Variants in ADAM2 observed in about 807,000 individuals in gnomAD.
ADAM2 encodes ADAM metallopeptidase domain 2.
Under a neutral mutation model 99.3 loss-of-function variants are expected in ADAM2, and 101 were observed. That is an observed-to-expected ratio of 1.02 (90% CI 0.87 to 1.20). The LOEUF is 1.20. ADAM2 is among the 50% of genes most tolerant of loss of function. The probability of loss-of-function intolerance (pLI) is 0.00; values close to 1 mark genes in which losing one functional copy is unlikely to be tolerated. For synonymous variants in ADAM2, 323 were observed against 287.6 expected, an observed-to-expected ratio of 1.12 and a Z score of -1.25; for missense variants, 948 against 878.7, an observed-to-expected ratio of 1.08 and a Z score of -1.00.
At chr8:39,806,850 C>A (rs1804461996) in intron 7 of ADAM2, among the ~76,000 whole-genome samples, 1 of 152,142 alleles carries the variant, frequency 6.6e-6, no homozygotes, top group Admixed American at 6.5e-5. Context: ...TGAGTGAAAA[C>A]ACTGCCTGTT....
chr8:39,764,900 AGC>A (rs988483761), intron 14 of ADAM2, among the ~76,000 whole-genome samples: 1 of 151,986 alleles, frequency 6.6e-6, no homozygotes, highest in African/African-American at 2.4e-5. Context: ...ATCTAATCAC[AGC>A]TACTCAGGAG....
At position 39,801,688 on chromosome 8, in the gene ADAM2, C is replaced by T. The variant is rs534757226; in HGVS notation, c.570+7722G>A. Among the ~76,000 whole-genome samples, 13 of 151,888 alleles carry T rather than the reference C, an allele frequency of 8.6e-5. 1 individual carries two copies. The highest frequency in any genetic ancestry group is 3.1e-4 in the African/African-American group (13 of 41,424). On this transcript the variant is annotated intron_variant, in intron 7 of 20. Coordinates refer to ENST00000265708, the MANE Select transcript of ADAM2 (RefSeq NM_001464.5). ...CTGGGGGCTCAGGCTCAGGGACATC[C>T]GGGTTCTGTCCCTGAGCCTCTGGCT...
At chr8:39,765,937 T>G (rs1802550311) in intron 14 of ADAM2, among the ~76,000 whole-genome samples, 1 of 152,188 alleles carries the variant, frequency 6.6e-6, no homozygotes, top group Non-Finnish European at 1.5e-5. Flanking sequence ...CTGTCAATTG[T>G]TCCTGATTTT....
rs1343174413 is a variant in ADAM2, at chr8:39,755,903, T to C, written c.1622A>G (p.Gln541Arg). 1.3e-6 allele frequency: 2 copies of C among 1,484,318 alleles called. No individual in the cohort carries two copies. The highest frequency in any genetic ancestry group is 2.3e-5 in the East Asian group (1 of 43,720). The allele number at this position is 1,484,318 out of a possible 1,614,324, so 91.9% of individuals were successfully genotyped here. A position where few individuals can be genotyped will look rare whatever the true frequency, so the allele number is the denominator to read the frequency against. ...GYTQCEADNL[Q>R]CGKLICKYVG... Reference sequence around the variant, plus strand: ...ATATTTACATATTAATTTTCCGCACTGCAGATTGCTATAATTTATCCACAA... The same window carrying C: ...ATATTTACATATTAATTTTCCGCACCGCAGATTGCTATAATTTATCCACAA... Residue 541 changes from glutamine (Q) to arginine (R), a missense_variant, in exon 16 of 21, where the codon CAG becomes CGG. Coordinates refer to ENST00000265708, the MANE Select transcript of ADAM2 (RefSeq NM_001464.5).
In ADAM2 at chr8:39,755,918, T is replaced by G. The variant is rs763691456; in HGVS notation, c.1614-7A>C. On this transcript the variant is annotated splice_region_variant and splice_polypyrimidine_tract_variant and intron_variant, in intron 15 of 20. Transcript: ENST00000265708. ...TTTTCCGCACTGCAGATTGCTATAA[T>G]TTATCCACAAATAAAAATTATTAAT... The G allele has an allele frequency of 2.9e-5, 40 of 1,359,792 alleles. No individual in the cohort carries two copies. Among genetic ancestry groups the G allele is most frequent in the Non-Finnish European group, 3.6e-5 (35 of 982,532 alleles). 84.2% of individuals were successfully genotyped at this position (1,359,792 alleles called of 1,614,324 possible).
chr8:39,834,101 C>A, intron 2 of ADAM2, 102 bp from the exon 3 acceptor site: 2 of 613,160 alleles, frequency 3.3e-6, no homozygotes, highest in Non-Finnish European at 5.7e-6. Flanking sequence ...AAAACACATT[C>A]ATTTAATAAA....
At chr8:39,749,627 T>C in intron 17 of ADAM2, 40 bp downstream of exon 17, 1 of 1,551,876 alleles carries the variant, frequency 6.4e-7, no homozygotes, top group Non-Finnish European at 8.8e-7. Context: ...AAAATTAGGC[T>C]CAATGATTTC....
chr8:39,757,790 CAT>C (rs2129583474), intron 15 of ADAM2, among the ~76,000 whole-genome samples: 1 of 152,170 alleles, frequency 6.6e-6, no homozygotes, highest in East Asian at 1.9e-4. Flanking sequence ...ATGTATTAGT[CAT>C]ATTATATGAT....
At chr8:39,770,603 C>T (rs1288593612) in intron 11 of ADAM2, among the ~76,000 whole-genome samples, 2 of 152,104 alleles carry the variant, frequency 1.3e-5, no homozygotes, top group Non-Finnish European at 2.9e-5. Flanking sequence ...AAATTATATG[C>T]AGTTTAGTTT....
intron 11 of ADAM2, among the ~76,000 whole-genome samples, chr8:39,771,820 A>G (rs917082383): frequency 1.3e-5 from 2 of 152,128 alleles, no homozygotes; most frequent in South Asian, 4.1e-4. Context: ...ATAGAAAAAA[A>G]CTGATAGAAA....
At chr8:39,744,677 T>C (rs1311985485) in intron 20 of ADAM2, among the ~76,000 whole-genome samples, 153 bp downstream of exon 20, 1 of 152,104 alleles carries the variant, frequency 6.6e-6, no homozygotes, top group Non-Finnish European at 1.5e-5. Context: ...GACCAATACC[T>C]AATGCATGTG....
At position 39,767,164 on chromosome 8, in the gene ADAM2, C is replaced by T. The variant is rs202194603; in HGVS notation, c.1300G>A (p.Glu434Lys). 1.1e-4 allele frequency: 183 copies of T among 1,606,256 alleles called. 3 individuals carry two copies. Among genetic ancestry groups the T allele is most frequent in the South Asian group, 6.7e-4 (60 of 89,808 alleles). Residue 434 changes from glutamate to lysine, a missense_variant, in exon 13 of 21, where the codon GAA (glutamate) becomes AAA (lysine). Transcript: ENST00000265708. ...CAAAAAGCTCTTACTAGACAGTTTT[C>T]GCAGCATGGTCCTTCAGCACAGTTT... ...GSNCAEGPCCENCLFMSKERM... is the reference protein window; with the variant it reads ...GSNCAEGPCCKNCLFMSKERM...
intron 3 of ADAM2, among the ~76,000 whole-genome samples, chr8:39,825,550 A>G (rs1023271135): frequency 6.6e-6 from 1 of 152,086 alleles, no homozygotes; most frequent in African/African-American, 2.4e-5. Flanking sequence ...TTGATGACAC[A>G]GTATCAAAAA....
rs561237469 is a variant in ADAM2, at chr8:39,757,990, CTTTCAG to C, written c.1614-2085_1614-2080del. Among the ~76,000 whole-genome samples, 14 of 152,230 alleles carry C rather than the reference CTTTCAG, an allele frequency of 9.2e-5. No homozygotes were observed. The South Asian group carries it at 1.0e-3, about 11-fold the overall frequency. ...ATATAGTCATAATAGCTAGAATTTT[CTTTCAG>C]TAAGTATATGCTTTAGCAATTATAA... On this transcript the variant is annotated intron_variant, in intron 15 of 20. Coordinates refer to ENST00000265708, the MANE Select transcript of ADAM2 (RefSeq NM_001464.5).
intron 17 of ADAM2, 89 bp downstream of exon 17, chr8:39,749,578 T>TG: frequency 3.9e-6 from 5 of 1,277,164 alleles, no homozygotes; most frequent in Non-Finnish European, 5.4e-6. Context: ...TGTGTGTGTG[T>TG]GTGTGTGCGT....
At chr8:39,820,278 G>C (rs778767026) in intron 6 of ADAM2, among the ~76,000 whole-genome samples, 18 of 152,156 alleles carry the variant, frequency 1.2e-4, no homozygotes, top group Non-Finnish European at 2.5e-4. Context: ...TTCTTTGTGT[G>C]TCTTGAAATA....
At chr8:39,756,582 A>G (rs1205386875) in intron 15 of ADAM2, among the ~76,000 whole-genome samples, 2 of 152,228 alleles carry the variant, frequency 1.3e-5, no homozygotes, top group Non-Finnish European at 2.9e-5. Flanking sequence ...ATGTTGAGAT[A>G]GACAACATAT....
intron 7 of ADAM2, among the ~76,000 whole-genome samples, chr8:39,802,121 C>T (rs1380819856): frequency 1.3e-5 from 2 of 152,192 alleles, no homozygotes; most frequent in East Asian, 1.9e-4. Context: ...GCCCCAGTGG[C>T]GTGGGTTCAC....
intron 5 of ADAM2, 129 bp downstream of exon 5, chr8:39,821,457 C>A: frequency 1.4e-6 from 1 of 692,682 alleles, no homozygotes. Flanking sequence ...CCATACCATG[C>A]TTTGTGAGTG....
Sources: gnomAD v4.1 joint callset for allele counts (sites outside exome capture counted in the v4.1 genomes callset) on GRCh38, gnomAD v4.1.1 for gene constraint, MANE v1.5 for transcripts, NCBI Gene and HGNC (gene_info 2026-07-23, HGNC 2026-07-21) for gene names.